DPH7: variants seen among roughly 807,000 people sequenced by gnomAD.
DPH7 encodes the protein diphthamide biosynthesis 7.
In DPH7, 44 loss-of-function variants were observed where a neutral mutation model predicts 41.7. The observed-to-expected ratio is 1.05, with a 90% CI of 0.83 to 1.36. DPH7 has a LOEUF of 1.36. Among genes scored for constraint, DPH7 ranks in the 40% most tolerant of loss-of-function variants. The probability of loss-of-function intolerance (pLI) is 0.00; values close to 1 mark genes in which losing one functional copy is unlikely to be tolerated. For synonymous variants in DPH7, 275 were observed against 238.0 expected, an observed-to-expected ratio of 1.16 and a Z score of -1.43; for missense variants, 629 against 577.5, an observed-to-expected ratio of 1.09 and a Z score of -0.91.
In DPH7 at chr9:137,562,669, G is replaced by C. The variant is rs111726169; in HGVS notation, c.949+1765C>G. Among the ~76,000 whole-genome samples the C allele has an allele frequency of 3.7e-3, 566 of 152,274 alleles. 1 individual carries two copies. Among genetic ancestry groups the C allele is most frequent in the African/African-American group, 0.013 (549 of 41,570 alleles). On this transcript the variant is annotated intron_variant, in intron 8 of 8. Transcript: ENST00000277540. ...TGGTCCCAGCTACTCGGGAGGCTGA[G>C]GTGGAAGGATGGTTTGAGCCCAGGG... is the stretch of plus-strand genomic sequence containing the variant.
At chr9:137,575,999 T>C (rs1841315845) in intron 3 of DPH7, 81 bp downstream of exon 3, 4 of 1,592,940 alleles carry the variant, frequency 2.5e-6, no homozygotes, top group South Asian at 2.2e-5. Context: ...TTTAGAAAAA[T>C]GTCTGTATCA....
At chr9:137,561,851 G>A (rs1838672877) in intron 8 of DPH7, among the ~76,000 whole-genome samples, 1 of 152,070 alleles carries the variant, frequency 6.6e-6, no homozygotes, top group South Asian at 2.1e-4. Flanking sequence ...TAGAGTTGGA[G>A]GTAGCAATAG....
Position 137,578,698 on chromosome 9 carries a change from C to CA in DPH7, c.79dup (p.Cys27LeufsTer31), listed in dbSNP as rs2133263395. 6.5e-7 allele frequency: 1 copy of CA among 1,531,090 alleles called. No homozygotes were observed. Among genetic ancestry groups the CA allele is most frequent in the East Asian group, 2.6e-5 (1 of 37,960 alleles). 94.8% of individuals were successfully genotyped at this position (1,531,090 alleles called of 1,614,324 possible). A position where few individuals can be genotyped will look rare whatever the true frequency, so the allele number is the denominator to read the frequency against. ...GGTCCCGCACGCCAGCAGGTGCCTG[C>CA]AGCCTTGCAGCGGGCACCACTCCAC... On this transcript the variant is annotated frameshift_variant, in exon 1 of 9. Coordinates refer to ENST00000277540, the MANE Select transcript of DPH7 (RefSeq NM_138778.5). LOFTEE classifies it high-confidence loss of function.
chr9:137,578,588 G>GCCCCC, intron 1 of DPH7, 37 bp downstream of exon 1: 4 of 1,436,772 alleles, frequency 2.8e-6, no homozygotes, highest in Non-Finnish European at 2.7e-6. Context: ...CTCGTGGCCG[G>GCCCCC]CCCCGCCCTC....
At chr9:137,577,646 G>T (rs201499734) in intron 1 of DPH7, 43 bp from the exon 2 acceptor site, 6 of 1,600,434 alleles carry the variant, frequency 3.7e-6, no homozygotes, top group Non-Finnish European at 3.4e-6. Context: ...CCCAAGACAC[G>T]AAGGAACCCA....
In DPH7 at chr9:137,574,396, C is replaced by A. The variant is rs780210172; in HGVS notation, c.468-16G>T. 6.2e-7 allele frequency: 1 copy of A among 1,606,984 alleles called. No homozygotes were observed. ...GTCCCCGGCCCTAGACACAGGGAACCCATGAAGAAGCCCGGCAGAATGTTA... is the reference window on the plus strand; with the variant it reads ...GTCCCCGGCCCTAGACACAGGGAACACATGAAGAAGCCCGGCAGAATGTTA... On this transcript the variant is annotated splice_polypyrimidine_tract_variant and intron_variant, in intron 4 of 8. Transcript: ENST00000277540.
At chr9:137,577,862 T>C (rs1032966016) in intron 1 of DPH7, 11 of 746,480 alleles carry the variant, frequency 1.5e-5, no homozygotes, top group East Asian at 2.6e-4. Flanking sequence ...AGAACCCAGT[T>C]TGCCTGGGAC....
In DPH7 at chr9:137,577,699, G is replaced by A; in HGVS notation, c.154-96C>T. ...TCCAAGGAACTCAAAGGTTTGCCAT[G>A]ACTAAAGGAGTGGAATTCTGCCTGG... is the stretch of plus-strand genomic sequence containing the variant. On this transcript the variant is annotated intron_variant, in intron 1 of 8. Coordinates refer to ENST00000277540, the MANE Select transcript of DPH7 (RefSeq NM_138778.5). The A allele has an allele frequency of 4.1e-6, 6 of 1,464,360 alleles. No individual in the cohort carries two copies. In the South Asian group the frequency reaches 7.6e-5, roughly 19 times the overall value. The allele number at this position is 1,464,360 out of a possible 1,614,324, so 90.7% of individuals were successfully genotyped here.
rs570044534 is a variant in DPH7 at position 137,556,432 on chromosome 9, G to T, written c.950-784C>A. Among the ~76,000 whole-genome samples, 208 of 152,336 alleles carry T rather than the reference G, an allele frequency of 1.4e-3. No individual in the cohort carries two copies. The highest frequency in any genetic ancestry group is 2.5e-3 in the Non-Finnish European group (169 of 68,038). ...TGAAAGGGCTGCCATCGCTACCTCT[G>T]AAGTACAGGGATTGATGCCAGCAGT... is the stretch of plus-strand genomic sequence containing the variant. On this transcript the variant is annotated intron_variant, in intron 8 of 8. Transcript: ENST00000277540. This position sits in a 1 kb window ranked among gnomAD's most constrained non-coding sequence, Gnocchi z 5.2.
At chr9:137,559,672 C>G (rs564104707) in intron 8 of DPH7, among the ~76,000 whole-genome samples, 3 of 152,270 alleles carry the variant, frequency 2.0e-5, no homozygotes, top group South Asian at 4.1e-4. Context: ...CTGTCTTTCT[C>G]TCTCTCTCCT....
At chr9:137,564,390 T>C in intron 8 of DPH7, 44 bp downstream of exon 8, 2 of 1,582,130 alleles carry the variant, frequency 1.3e-6, no homozygotes, top group Non-Finnish European at 1.7e-6. Context: ...GGCAGGGAAC[T>C]GGTGCCCTGC....
At chr9:137,558,884 G>A (rs1256280058) in intron 8 of DPH7, among the ~76,000 whole-genome samples, 1 of 151,996 alleles carries the variant, frequency 6.6e-6, no homozygotes, top group East Asian at 1.9e-4. Context: ...ACAGGCGCCC[G>A]ACCTCAGGTG....
intron 8 of DPH7, among the ~76,000 whole-genome samples, chr9:137,558,837 C>T (rs992898138): frequency 2.0e-5 from 3 of 152,136 alleles, no homozygotes; most frequent in Admixed American, 6.6e-5. Context: ...CAGGTTCAAC[C>T]GATTCTCCTG....
At chr9:137,569,800 G>A (rs1236828035) in intron 5 of DPH7, among the ~76,000 whole-genome samples, 1 of 106,580 alleles carries the variant, frequency 9.4e-6, no homozygotes, top group Non-Finnish European at 1.9e-5. Context: ...ATCTATCCAC[G>A]CCACCACCAC....
intron 8 of DPH7, among the ~76,000 whole-genome samples, chr9:137,555,883 G>A (rs1188939420): frequency 2.0e-5 from 3 of 152,210 alleles, no homozygotes; most frequent in East Asian, 1.9e-4. Context: ...AGCATCAAGC[G>A]GGGCTACAGA....
chr9:137,574,326 G>A lies in DPH7; in HGVS notation c.522C>T (p.His174=). ...GCCTCGTCTCATTCACCATCAGGAGGTGGAGCTGCCCTGTGGAGTCACTGC... is the reference window on the plus strand; with the variant it reads ...GCCTCGTCTCATTCACCATCAGGAGATGGAGCTGCCCTGTGGAGTCACTGC... The part of the protein sequence containing the change: ...IISSDSTGQL[H]LLMVNETRPR... Residue 174 remains histidine, a synonymous_variant, in exon 5 of 9, where the codon CAC becomes CAT. Transcript: ENST00000277540. The A allele has an allele frequency of 1.2e-6, 2 of 1,614,208 alleles. 1 individual carries two copies. Among genetic ancestry groups the A allele is most frequent in the South Asian group, 2.2e-5 (2 of 91,090 alleles).
At chr9:137,570,809 G>A (rs1253141788) in intron 5 of DPH7, among the ~76,000 whole-genome samples, 1 of 152,130 alleles carries the variant, frequency 6.6e-6, no homozygotes, top group Non-Finnish European at 1.5e-5. Context: ...CCCTGACCAT[G>A]CTCTCCAACA....
chr9:137,573,436 TG>T (rs1414792801), intron 5 of DPH7, among the ~76,000 whole-genome samples: 1 of 147,418 alleles, frequency 6.8e-6, no homozygotes, highest in Non-Finnish European at 1.5e-5. Flanking sequence ...CCCAGCACTT[TG>T]GGAGGCCGAG....
At chr9:137,578,545 C>T (rs1364697221) in intron 1 of DPH7, 80 bp downstream of exon 1, 4 of 1,368,838 alleles carry the variant, frequency 2.9e-6, no homozygotes, top group South Asian at 1.6e-5. Flanking sequence ...CTCTTCATCT[C>T]CTGGGCGATT....
Sources: gnomAD v4.1 joint callset for allele counts (sites outside exome capture counted in the v4.1 genomes callset) on GRCh38, gnomAD v4.1.1 for gene constraint, Gnocchi (gnomAD v3.1) non-coding constraint, MANE v1.5 for transcripts, NCBI Gene and HGNC (gene_info 2026-07-23, HGNC 2026-07-21) for gene names.